Variants in NWD2 observed in about 807,000 individuals in gnomAD.
NWD2 encodes NACHT and WD repeat domain-containing protein 2.
NWD2 carries 37 observed loss-of-function variants against 132.7 expected under a neutral mutation model. The observed-to-expected ratio is 0.28, with a 90% CI of 0.21 to 0.37. The LOEUF is 0.37. Ranked by LOEUF, NWD2 falls within the 10% of genes least tolerant of loss-of-function variation. The pLI, the probability that NWD2 is intolerant of heterozygous loss-of-function variation, is 1.00. For missense variants in NWD2, 1,592 were observed against 2,122.4 expected, an observed-to-expected ratio of 0.75 and a Z score of 4.91; for synonymous variants, 705 against 803.0, an observed-to-expected ratio of 0.88 and a Z score of 2.06.
At chr4:37,290,776 G>A (rs1004274472) in intron 1 of NWD2, among the ~76,000 whole-genome samples, 9 of 152,186 alleles carry the variant, frequency 5.9e-5, no homozygotes, top group South Asian at 4.1e-4. Context: ...TCTCATGAGA[G>A]GCTAAGGGCA....
At chr4:37,390,233 T>TACTCTAAGTATATGTACATAC (rs1720653346) in intron 3 of NWD2, among the ~76,000 whole-genome samples, 1 of 141,308 alleles carries the variant, frequency 7.1e-6, no homozygotes, top group East Asian at 2.0e-4. Flanking sequence ...TATGTACATA[T>TACTCTAAGTATATGTACATAC]ACTTTAAGTA....
rs1378066526 is a variant in NWD2, at chr4:37,447,095, A to G, written c.5107A>G (p.Ile1703Val). The stretch of plus-strand genomic sequence containing the variant: ...TGAGGTCTTTGCAAGAGACAGCCCC[A>G]TCACAGTTAGTGACTCTACTGAGTC... ...STEVFARDSP[I>V]TVSDSTESNE... Residue 1703 changes from isoleucine (I) to valine (V), a missense_variant, in exon 7 of 7, where the codon ATC becomes GTC. Ile to Val is a conservative substitution (Grantham distance 29). Transcript: ENST00000309447. 6.4e-7 allele frequency: 1 copy of G among 1,551,628 alleles called. No individual in the cohort carries two copies. Among genetic ancestry groups the G allele is most frequent in the Non-Finnish European group, 8.7e-7 (1 of 1,146,986 alleles).
rs1414823836 is a variant in NWD2, at chr4:37,447,930, C to G, written c.*713C>G. 1 of 152,116 alleles carries G rather than the reference C, an allele frequency of 6.6e-6. No individual in the cohort carries two copies. The highest frequency in any genetic ancestry group is 1.5e-5 in the Non-Finnish European group (1 of 68,028). 9.4% of individuals were successfully genotyped at this position (152,116 alleles called of 1,614,324 possible). A position where few individuals can be genotyped will look rare whatever the true frequency, so the allele number is the denominator to read the frequency against. On this transcript the variant is annotated 3_prime_UTR_variant, in exon 7 of 7. Transcript: ENST00000309447. ...GAATATATGATTTTTAAACTATTTC[C>G]TGGGTTGCAAAAGAACACATTTAGT...
chr4:37,381,994 T>C (rs577756075), intron 3 of NWD2, among the ~76,000 whole-genome samples: 150 of 152,316 alleles, frequency 9.8e-4, no homozygotes, highest in African/African-American at 3.4e-3. Flanking sequence ...GAGACATTCG[T>C]GACACTGTGG....
In NWD2 at chr4:37,433,890, C is replaced by G; in HGVS notation, c.576C>G (p.Thr192=). 6.5e-7 allele frequency: 1 copy of G among 1,542,556 alleles called. No homozygotes were observed. Among genetic ancestry groups the G allele is most frequent in the Non-Finnish European group, 8.8e-7 (1 of 1,141,908 alleles). The change falls in exon 5 of 7, where the codon ACC becomes ACG. Residue 192 remains threonine, a synonymous_variant. Transcript: ENST00000309447. ...CATTTCTATAGATGCAGCCTTCTAC[C>G]AATGCTGAAAACGAGAAGACATGGC... ...RSNRNAMQPS[T]NAENEKTWQE...
At position 37,446,255 on chromosome 4, in the gene NWD2, G is replaced by A. The variant is rs747217956; in HGVS notation, c.4267G>A (p.Val1423Ile). The A allele has an allele frequency of 6.4e-6, 10 of 1,551,502 alleles. No individual in the cohort carries two copies. Among genetic ancestry groups the A allele is most frequent in the Non-Finnish European group, 8.7e-6 (10 of 1,146,994 alleles). ...GCTCTGTGAGGAAAATGCCTCCAGG[G>A]TTTGGAGGCTCGCCACAGGCCACAG... ...VSLCEENASR[V>I]WRLATGHRVC... The change falls in exon 7 of 7, where the codon GTT (valine) becomes ATT (isoleucine). Residue 1423 changes from valine to isoleucine, a missense_variant. Val to Ile is a conservative substitution (Grantham distance 29). Around this residue, in one of 7 missense-constraint regions of NWD2, gnomAD observed 1,071 missense variants for 1,398.0 expected, o/e 0.77. Coordinates refer to ENST00000309447, the MANE Select transcript of NWD2 (RefSeq NM_001144990.2). The surrounding 1 kb of genome is among the most constrained non-coding windows in gnomAD (Gnocchi z 6.7).
intron 3 of NWD2, among the ~76,000 whole-genome samples, chr4:37,378,287 A>AAAAGT (rs35842018): frequency 0.011 from 2 of 174 alleles, no homozygotes; most frequent in Non-Finnish European, 0.04. Flanking sequence ...GAATTGAAAT[A>AAAAGT]AATATGACAG....
chr4:37,447,135 C>T lies in NWD2; in HGVS notation c.5147C>T (p.Pro1716Leu). 1 of 1,551,424 alleles carries T rather than the reference C, an allele frequency of 6.4e-7. No homozygotes were observed. The highest frequency in any genetic ancestry group is 8.7e-7 in the Non-Finnish European group (1 of 1,146,986). Reference protein sequence around the residue: ...SDSTESNEATPSKKHNSCYER... With the variant: ...SDSTESNEATLSKKHNSCYER... ...TCTACTGAGTCCAATGAAGCAACACCCTCCAAGAAACACAACTCTTGTTAT... is the reference window on the plus strand; with the variant it reads ...TCTACTGAGTCCAATGAAGCAACACTCTCCAAGAAACACAACTCTTGTTAT... The change falls in exon 7 of 7, where the codon CCC becomes CTC. Residue 1716 changes from proline (P) to leucine (L), a missense_variant. Coordinates refer to ENST00000309447, the MANE Select transcript of NWD2 (RefSeq NM_001144990.2).
intron 2 of NWD2, among the ~76,000 whole-genome samples, chr4:37,330,542 C>G (rs1239916311): frequency 6.6e-6 from 1 of 152,166 alleles, no homozygotes; most frequent in African/African-American, 2.4e-5. Context: ...GCTTTTGGAA[C>G]TCTTCTCCAT....
intron 1 of NWD2, among the ~76,000 whole-genome samples, chr4:37,268,869 T>C (rs1458155569): frequency 6.6e-6 from 1 of 151,804 alleles, no homozygotes; most frequent in Non-Finnish European, 1.5e-5. Context: ...GCCAGGATTC[T>C]CCCAAACACT....
chr4:37,307,755 A>G (rs770266143), intron 1 of NWD2, among the ~76,000 whole-genome samples: 2 of 152,184 alleles, frequency 1.3e-5, no homozygotes, highest in Admixed American at 6.5e-5. Context: ...ATTCCATAAT[A>G]CAAATATTTG....
chr4:37,325,680 A>G (rs1326420042), intron 1 of NWD2, among the ~76,000 whole-genome samples: 2 of 152,128 alleles, frequency 1.3e-5, no homozygotes, highest in Non-Finnish European at 2.9e-5. Flanking sequence ...AATCAACTGT[A>G]AATTCTCAGC....
chr4:37,444,141 A>G lies in NWD2; in HGVS notation c.2153A>G (p.Tyr718Cys), dbSNP rs896656920. The G allele has an allele frequency of 1.9e-6, 3 of 1,551,644 alleles. No homozygotes were observed. Among genetic ancestry groups the G allele is most frequent in the African/African-American group, 2.7e-5 (2 of 73,048 alleles). ...AGGCTCAAGGAGGGTCTCAGTGGATACCTAATAGAAAGACATGTGAAAAAT... is the reference window on the plus strand; with the variant it reads ...AGGCTCAAGGAGGGTCTCAGTGGATGCCTAATAGAAAGACATGTGAAAAAT... ...IARLKEGLSG[Y>C]LIERHVKNVT... is the part of the protein sequence containing the mutation. Residue 718 changes from tyrosine (Y) to cysteine (C), a missense_variant, in exon 7 of 7, where the codon TAC becomes TGC. By Grantham distance (194) the Tyr-to-Cys change is radical. Around this residue, in one of 7 missense-constraint regions of NWD2, gnomAD observed 1,071 missense variants for 1,398.0 expected, o/e 0.77. Transcript: ENST00000309447. This position sits in a 1 kb window ranked among gnomAD's most constrained non-coding sequence, Gnocchi z 4.8.
At chr4:37,328,022 T>C (rs1719208693) in intron 2 of NWD2, among the ~76,000 whole-genome samples, 1 of 152,120 alleles carries the variant, frequency 6.6e-6, no homozygotes, top group African/African-American at 2.4e-5. Flanking sequence ...CTACTCATTC[T>C]TAAGACTCTT....
intron 3 of NWD2, among the ~76,000 whole-genome samples, chr4:37,370,184 G>C (rs575206768): frequency 6.6e-6 from 1 of 152,208 alleles, no homozygotes; most frequent in South Asian, 2.1e-4. Flanking sequence ...CTCTGATTAT[G>C]GAAGAAATAA....
At chr4:37,309,084 C>A (rs898219162) in intron 1 of NWD2, among the ~76,000 whole-genome samples, 2 of 152,198 alleles carry the variant, frequency 1.3e-5, no homozygotes, top group African/African-American at 4.8e-5. Context: ...ATTGGCAGGC[C>A]CTTGGTGGGC....
intron 1 of NWD2, among the ~76,000 whole-genome samples, chr4:37,324,925 C>T (rs577495557): frequency 8.5e-5 from 13 of 152,222 alleles, no homozygotes; most frequent in East Asian, 3.9e-4. Context: ...TTCTTTTAAA[C>T]GGTTATCTTT....
chr4:37,313,791 C>T (rs1656219), intron 1 of NWD2, among the ~76,000 whole-genome samples: 7,532 of 150,844 alleles, frequency 0.05, 939 homozygotes, highest in African/African-American at 0.16. Context: ...CTCTGCCTCC[C>T]GGGTTCAAGT....
chr4:37,311,978 A>G (rs1302351742), intron 1 of NWD2, among the ~76,000 whole-genome samples: 1 of 150,908 alleles, frequency 6.6e-6, no homozygotes, highest in African/African-American at 2.5e-5. Flanking sequence ...GCTCTGTTCC[A>G]TTGATCTATA....
Sources: allele counts gnomAD v4.1 joint callset (sites outside exome capture counted in the v4.1 genomes callset), GRCh38; gene constraint gnomAD v4.1.1; regional missense constraint gnomAD v4.1.1; non-coding constraint Gnocchi (gnomAD v3.1); transcripts MANE v1.5; gene names NCBI Gene and HGNC (gene_info 2026-07-23, HGNC 2026-07-21).